The following GSG1L variants were observed in gnomAD, a reference collection of about 807,000 sequenced individuals.
GSG1L encodes the protein germ cell-specific gene 1-like protein.
A neutral mutation model predicts 42.1 loss-of-function variants in GSG1L; 24 were observed. The observed-to-expected ratio is 0.57, with a 90% CI of 0.41 to 0.80. GSG1L has a LOEUF of 0.80. Among genes scored for constraint, GSG1L ranks in the 30% least tolerant of loss-of-function variants. GSG1L has a pLI of 0.00. For missense variants in GSG1L, 445 were observed against 472.2 expected (o/e 0.94, Z 0.53); for synonymous variants, 215 against 203.5 (o/e 1.06, Z -0.48).
chr16:27,895,975 G>A (rs2084187530), intron 2 of GSG1L, among the ~76,000 whole-genome samples: 1 of 152,138 alleles, frequency 6.6e-6, no homozygotes, highest in Admixed American at 6.5e-5. Context: ...ATCCTCAAAG[G>A]GAGGTCTACA....
At chr16:27,994,643 G>T (rs1009388926) in intron 1 of GSG1L, among the ~76,000 whole-genome samples, 1 of 152,082 alleles carries the variant, frequency 6.6e-6, no homozygotes, top group Non-Finnish European at 1.5e-5. Context: ...TTGATCTAAA[G>T]TTCCCCTTTT....
intron 2 of GSG1L, among the ~76,000 whole-genome samples, chr16:27,907,824 A>C (rs1285713651): frequency 6.6e-6 from 1 of 152,022 alleles, no homozygotes; most frequent in Non-Finnish European, 1.5e-5. Flanking sequence ...GCCCCAGTCT[A>C]GGCCTGTGTC....
At chr16:27,995,307 A>C (rs184540900) in intron 1 of GSG1L, among the ~76,000 whole-genome samples, 25 of 152,376 alleles carry the variant, frequency 1.6e-4, no homozygotes, top group Admixed American at 1.4e-3. Flanking sequence ...AAGCTAGCTG[A>C]CATTGAAATA....
At chr16:27,922,000 C>CTTTTTTTTTTT (rs5816454) in intron 2 of GSG1L, among the ~76,000 whole-genome samples, 1 of 133,630 alleles carries the variant, frequency 7.5e-6, no homozygotes, top group South Asian at 2.4e-4. Flanking sequence ...TGTTTGTTGT[C>CTTTTTTTTTTT]TTTTTTTTTT....
chr16:27,936,836 A>G (rs2084723697), intron 2 of GSG1L, among the ~76,000 whole-genome samples: 1 of 152,212 alleles, frequency 6.6e-6, no homozygotes, highest in African/African-American at 2.4e-5. Context: ...TTCCATTTGC[A>G]AGGGCCACTC....
intron 5 of GSG1L, among the ~76,000 whole-genome samples, chr16:27,808,327 T>A (rs898115356): frequency 2.0e-5 from 3 of 152,110 alleles, no homozygotes; most frequent in Admixed American, 2.0e-4. Context: ...CTTCAAGGGA[T>A]CCTCCTGCGT....
chr16:28,044,555 G>C (rs2086141915), intron 1 of GSG1L, among the ~76,000 whole-genome samples: 2 of 151,798 alleles, frequency 1.3e-5, no homozygotes, highest in South Asian at 4.2e-4. Context: ...CCCAGACGAT[G>C]GCATGTATTA....
At chr16:27,918,520 A>G (rs142367466) in intron 2 of GSG1L, among the ~76,000 whole-genome samples, 2,469 of 152,108 alleles carry the variant, frequency 0.016, 65 homozygotes, top group African/African-American at 0.056. Context: ...TTAGTCAGGC[A>G]TGGTGGCGGG....
intron 3 of GSG1L, among the ~76,000 whole-genome samples, chr16:27,870,461 T>G (rs2083805438): frequency 6.6e-6 from 1 of 151,048 alleles, no homozygotes; most frequent in South Asian, 2.1e-4. Flanking sequence ...CTGTGTTCTT[T>G]TCTCTCTCTC....
chr16:27,794,423 C>G (rs530527262), intron 6 of GSG1L, among the ~76,000 whole-genome samples: 1 of 152,018 alleles, frequency 6.6e-6, no homozygotes, highest in South Asian at 2.1e-4. Context: ...CTCCGCTTCC[C>G]GGGTTCACGC....
intron 1 of GSG1L, among the ~76,000 whole-genome samples, chr16:27,997,047 C>T (rs1236795918): frequency 7.2e-5 from 11 of 152,194 alleles, no homozygotes; most frequent in Admixed American, 7.2e-4. Flanking sequence ...CAGGCATGAG[C>T]CACCGCGCCT....
chr16:28,011,486 C>T (rs567278027), intron 1 of GSG1L, among the ~76,000 whole-genome samples: 53 of 152,298 alleles, frequency 3.5e-4, no homozygotes, highest in African/African-American at 1.2e-3. Flanking sequence ...TGGGCCCATC[C>T]GAAAGAGGCA....
chr16:27,959,736 C>T (rs1019406447), intron 2 of GSG1L, among the ~76,000 whole-genome samples: 3 of 151,996 alleles, frequency 2.0e-5, no homozygotes, highest in African/African-American at 4.8e-5. Context: ...GAGCTACGAT[C>T]GCACCACTGC....
intron 2 of GSG1L, among the ~76,000 whole-genome samples, chr16:27,911,440 G>C (rs573599733): frequency 1.3e-5 from 2 of 152,074 alleles, no homozygotes. Flanking sequence ...ACAGGCGCCC[G>C]CCACCACACC....
chr16:28,027,388 C>T (rs1024626721), intron 1 of GSG1L, among the ~76,000 whole-genome samples: 3 of 152,184 alleles, frequency 2.0e-5, no homozygotes, highest in African/African-American at 7.2e-5. Context: ...CAGCTCTCTT[C>T]CCTCTAGGGT....
chr16:27,820,009 G>C (rs970057586), intron 5 of GSG1L, among the ~76,000 whole-genome samples: 6 of 152,178 alleles, frequency 3.9e-5, no homozygotes, highest in Admixed American at 3.9e-4. Flanking sequence ...TGTGGTGAGC[G>C]GGAGGGTCAT....
At chr16:28,032,752 T>G (rs559303132) in intron 1 of GSG1L, among the ~76,000 whole-genome samples, 1 of 152,314 alleles carries the variant, frequency 6.6e-6, no homozygotes, top group South Asian at 2.1e-4. Flanking sequence ...AAAATGCCTC[T>G]TCCCCTCTCA....
At chr16:27,850,535 T>C (rs531802451) in intron 3 of GSG1L, 47 of 455,732 alleles carry the variant, frequency 1.0e-4, no homozygotes, top group Non-Finnish European at 1.7e-4. Flanking sequence ...AGCCAACATC[T>C]GATATTAAGC....
intron 4 of GSG1L, among the ~76,000 whole-genome samples, chr16:27,833,112 T>G (rs1274267777): frequency 6.6e-6 from 1 of 152,222 alleles, no homozygotes; most frequent in East Asian, 1.9e-4. Flanking sequence ...CTGTGATCCA[T>G]TTTAAATTAA....
Sources: allele counts gnomAD v4.1 joint callset (sites outside exome capture counted in the v4.1 genomes callset), GRCh38; gene constraint gnomAD v4.1.1; transcripts MANE v1.5; gene names NCBI Gene and HGNC (gene_info 2026-07-23, HGNC 2026-07-21).